Variants in AMZ1 observed in about 807,000 individuals in gnomAD.
AMZ1 encodes archaelysin family metallopeptidase 1, also known as archaemetzincin-1.
In AMZ1, 39 loss-of-function variants were observed where a neutral mutation model predicts 29.9. That is an observed-to-expected ratio of 1.30 (90% confidence interval 1.01 to 1.70). The LOEUF is 1.70. Among genes scored for constraint, AMZ1 ranks in the 40% most tolerant of loss-of-function variants. AMZ1 has a pLI of 0.00. For missense variants in AMZ1, 1,041 were observed against 680.6 expected, an observed-to-expected ratio of 1.53 and a Z score of -5.89; for synonymous variants, 458 against 304.0, an observed-to-expected ratio of 1.51 and a Z score of -5.27.
chr7:2,733,132 C>T (rs1419915436), intron 4 of AMZ1, among the ~76,000 whole-genome samples: 1 of 152,140 alleles, frequency 6.6e-6, no homozygotes, highest in Non-Finnish European at 1.5e-5. Flanking sequence ...AACTGCCATG[C>T]CTGGGGTTTC....
At chr7:2,743,019 A>AGGGCT in intron 4 of AMZ1, among the ~76,000 whole-genome samples, 1 of 152,232 alleles carries the variant, frequency 6.6e-6, no homozygotes, top group Non-Finnish European at 1.5e-5. Context: ...TCAGACAGAA[A>AGGGCT]GCCTACCATC....
chr7:2,744,727 C>T (rs1354815195), intron 4 of AMZ1, among the ~76,000 whole-genome samples: 4 of 152,048 alleles, frequency 2.6e-5, no homozygotes, highest in Non-Finnish European at 5.9e-5. Context: ...CTCTGAGCTA[C>T]AGGAGGAAGT....
chr7:2,699,752 C>T (rs798475), intron 1 of AMZ1, among the ~76,000 whole-genome samples: 50,279 of 152,024 alleles, frequency 0.33, 9,110 homozygotes, highest in East Asian at 0.6. Context: ...GTGATCATGC[C>T]GTGGAGAGGA....
rs543055865 is a variant in AMZ1 at position 2,741,128 on chromosome 7, A to T, written n.551-23584A>T. ...ATTCTTCATTTGTATCACAGGGATC[A>T]TCATAGAAAAATGAGCTAGAAAGAA... On this transcript the variant is annotated intron_variant and non_coding_transcript_variant, in intron 4 of 4. Coordinates refer to the AMZ1 transcript ENST00000489665. Among the ~76,000 whole-genome samples, 8 of 152,348 alleles carry T rather than the reference A, an allele frequency of 5.3e-5. No homozygotes were observed. In the South Asian group the frequency reaches 1.7e-3, roughly 32 times the overall value.
chr7:2,684,995 G>A (rs547532567), upstream of AMZ1, among the ~76,000 whole-genome samples: 2,099 of 150,670 alleles, frequency 0.014, 39 homozygotes, highest in African/African-American at 0.049. Flanking sequence ...TCAGCCTCCT[G>A]AGTAGCTGGG....
At chr7:2,737,306 T>A (rs1790256552) in intron 4 of AMZ1, among the ~76,000 whole-genome samples, 1 of 127,540 alleles carries the variant, frequency 7.8e-6, no homozygotes, top group Non-Finnish European at 1.6e-5. Context: ...TTTTTTTTTT[T>A]GAGATGGAGT....
rs570751476 is a variant in AMZ1 at position 2,715,602 on chromosome 7, C to A, written c.*2724C>A. ...TAAAAAAAACTCCTTTTATCCGCAG[C>A]GTTTACCAACTTGCAGATGTCAGTG... On this transcript the variant is annotated 3_prime_UTR_variant, in exon 7 of 7. Coordinates refer to ENST00000683327, the MANE Select transcript of AMZ1 (RefSeq NM_001384743.1). The A allele has an allele frequency of 3.9e-5, 6 of 152,204 alleles. No individual in the cohort carries two copies. The highest frequency in any genetic ancestry group is 2.0e-4 in the Admixed American group (3 of 15,282). The allele number at this position is 152,204 out of a possible 1,614,324, so 9.4% of individuals were successfully genotyped here.
At chr7:2,746,742 A>G (rs1359288848) in intron 4 of AMZ1, among the ~76,000 whole-genome samples, 1 of 152,204 alleles carries the variant, frequency 6.6e-6, no homozygotes, top group Non-Finnish European at 1.5e-5. Flanking sequence ...TGGTTTTTTG[A>G]AAAGATCAAC....
At chr7:2,721,710 C>T (rs1322928113), downstream of AMZ1, among the ~76,000 whole-genome samples, 8 of 130,480 alleles carry the variant, frequency 6.1e-5, no homozygotes, top group East Asian at 4.4e-4. Context: ...AGCGAGACTA[C>T]GTCTCAAAAA....
chr7:2,764,132 G>A (rs903540260), upstream of AMZ1, among the ~76,000 whole-genome samples: 3 of 152,040 alleles, frequency 2.0e-5, no homozygotes, highest in Non-Finnish European at 4.4e-5. Flanking sequence ...GGGCCGTGGT[G>A]CAATCATGGC....
At chr7:2,732,754 G>A (rs760279443) in intron 4 of AMZ1, among the ~76,000 whole-genome samples, 5 of 152,152 alleles carry the variant, frequency 3.3e-5, no homozygotes, top group Non-Finnish European at 5.9e-5. Context: ...AAGTCCACAT[G>A]GTAAGAAACC....
At chr7:2,723,181 G>C (rs537278273), downstream of AMZ1, among the ~76,000 whole-genome samples, 1 of 152,336 alleles carries the variant, frequency 6.6e-6, no homozygotes, top group East Asian at 1.9e-4. Context: ...AAGCACCACA[G>C]AGTGTACAGC....
At chr7:2,764,373 G>C (rs765578896), upstream of AMZ1, among the ~76,000 whole-genome samples, 24 of 151,680 alleles carry the variant, frequency 1.6e-4, no homozygotes, top group Non-Finnish European at 3.2e-4. Flanking sequence ...GTGTGCTCCC[G>C]CATCCAGGCA....
intron 1 of AMZ1, among the ~76,000 whole-genome samples, chr7:2,699,736 C>T (rs1221724581): frequency 3.3e-5 from 5 of 152,154 alleles, no homozygotes. Context: ...TGAGGATGCA[C>T]ACTTTGTGAT....
At chr7:2,737,276 T>G (rs1183387378) in intron 4 of AMZ1, among the ~76,000 whole-genome samples, 1 of 53,328 alleles carries the variant, frequency 1.9e-5, no homozygotes, top group African/African-American at 6.5e-5. Context: ...TTTGTTTTGT[T>G]TTTTTTTTTT....
rs145113520 is a variant in AMZ1, at chr7:2,709,588, C to T, written c.772-52C>T. On this transcript the variant is annotated intron_variant, in intron 5 of 6. Transcript: ENST00000683327. The stretch of plus-strand genomic sequence containing the variant: ...CTGCTGGGGCTGCCTGGGGATCTGC[C>T]GGATGCAGGGGCAAGGCAGTGAGGC... The T allele has an allele frequency of 5.0e-4, 787 of 1,574,084 alleles. 4 individuals are homozygous for T. In the African/African-American group the frequency reaches 7.1e-3, roughly 14 times the overall value.
intron 1 of AMZ1, among the ~76,000 whole-genome samples, chr7:2,697,317 G>A (rs762989650): frequency 7.2e-5 from 11 of 151,970 alleles, no homozygotes; most frequent in East Asian, 5.8e-4. Flanking sequence ...GGATGGTCTC[G>A]AACTCCTGAC....
chr7:2,711,522 C>T (rs1227967636), intron 6 of AMZ1, among the ~76,000 whole-genome samples: 1 of 152,182 alleles, frequency 6.6e-6, no homozygotes, highest in East Asian at 1.9e-4. Context: ...GGAGACTAAC[C>T]TTGAGAGCAG....
intron 4 of AMZ1, among the ~76,000 whole-genome samples, chr7:2,726,037 T>A (rs567501300): frequency 1.3e-5 from 2 of 152,340 alleles, no homozygotes; most frequent in South Asian, 4.1e-4. Context: ...CTGTGCAAAT[T>A]AAGCAAGTCT....
Sources: allele counts gnomAD v4.1 joint callset (sites outside exome capture counted in the v4.1 genomes callset), GRCh38; gene constraint gnomAD v4.1.1; transcripts MANE v1.5; gene names NCBI Gene and HGNC (gene_info 2026-07-23, HGNC 2026-07-21).